NASP: variants seen among roughly 807,000 people sequenced by gnomAD.
NASP encodes nuclear autoantigenic sperm protein, also known as NASP histone chaperone.
NASP carries 24 observed loss-of-function variants against 89.5 expected under a neutral mutation model. The ratio of observed to expected loss-of-function variants is 0.27; its 90% CI spans 0.19 to 0.38. The LOEUF (loss-of-function observed/expected upper bound fraction) is 0.38, where lower values mean the gene tolerates loss of function less well. Among genes scored for constraint, NASP ranks in the 10% least tolerant of loss-of-function variants. The pLI is 1.00. For synonymous variants in NASP, 306 were observed against 324.7 expected (o/e 0.94, Z 0.62); for missense variants, 848 against 921.4 (o/e 0.92, Z 1.03).
At chr1:45,616,990 G>A (rs767664662) in intron 13 of NASP, among the ~76,000 whole-genome samples, 33 of 152,082 alleles carry the variant, frequency 2.2e-4, no homozygotes, top group Non-Finnish European at 3.2e-4. Flanking sequence ...GATTACAGGC[G>A]CCCGCCACCA....
chr1:45,586,284 G>GTGTGTGTGTGTGTGTGTGGTGT (rs1202771599), intron 1 of NASP, among the ~76,000 whole-genome samples: 2 of 100,534 alleles, frequency 2.0e-5, no homozygotes, highest in South Asian at 6.5e-4. Context: ...GTGTGTGTGT[G>GTGTGTGTGTGTGTGTGTGGTGT]GTGTGTGTGT....
intron 2 of NASP, among the ~76,000 whole-genome samples, chr1:45,601,678 G>A (rs566685775): frequency 1.5e-4 from 23 of 149,396 alleles, no homozygotes; most frequent in Admixed American, 1.4e-3. Context: ...TTTATTTGTG[G>A]ATCAATTAGG....
In NASP at chr1:45,618,503, G is replaced by A. The variant is rs1644148318; in HGVS notation, c.*362G>A. ...CAAACTTTCAGTGGTGCTGTCCCTG[G>A]ATGGGGGCTACAAAAACAAGAATTG... is the stretch of plus-strand genomic sequence containing the variant. On this transcript the variant is annotated 3_prime_UTR_variant, in exon 15 of 15. Coordinates refer to ENST00000350030, the MANE Select transcript of NASP (RefSeq NM_002482.4). 5.6e-6 allele frequency: 1 copy of A among 178,642 alleles called. No homozygotes were observed. The highest frequency in any genetic ancestry group is 2.4e-5 in the African/African-American group (1 of 42,270). The allele number at this position is 178,642 out of a possible 1,614,324, so 11.1% of individuals were successfully genotyped here.
At chr1:45,586,275 T>TGTGTG (rs1644540042) in intron 1 of NASP, among the ~76,000 whole-genome samples, 2 of 50,206 alleles carry the variant, frequency 4.0e-5, no homozygotes, top group Middle Eastern at 9.3e-3. Context: ...TGTGTGTGTG[T>TGTGTG]GTGTGTGTGG....
intron 6 of NASP, chr1:45,612,744 A>G (rs1644037564): frequency 1.3e-5 from 2 of 154,076 alleles, no homozygotes; most frequent in African/African-American, 4.8e-5. Flanking sequence ...GACTGGAATA[A>G]TTTAACTTTC....
chr1:45,584,760 C>T (rs1644504808), intron 1 of NASP, among the ~76,000 whole-genome samples: 1 of 152,198 alleles, frequency 6.6e-6, no homozygotes, highest in Non-Finnish European at 1.5e-5. Context: ...GGGGGCGGGG[C>T]CTTGAGGAGG....
chr1:45,594,711 G>A (rs1479735391), intron 2 of NASP: 3 of 455,324 alleles, frequency 6.6e-6, no homozygotes, highest in East Asian at 7.0e-5. Context: ...GTTTCGTCAC[G>A]TTGCCCAGGC....
chr1:45,606,190 A>G (rs1280819112), intron 4 of NASP, among the ~76,000 whole-genome samples: 1 of 152,244 alleles, frequency 6.6e-6, no homozygotes, highest in Non-Finnish European at 1.5e-5. Context: ...AAGTTTGGGA[A>G]ATAGTATGGT....
intron 9 of NASP, 72 bp downstream of exon 9, chr1:45,614,438 G>C: frequency 8.3e-7 from 1 of 1,211,486 alleles, no homozygotes; most frequent in East Asian, 2.3e-5. Context: ...AGATTCTCTG[G>C]AACCGAACTT....
At position 45,602,134 on chromosome 1, in the gene NASP, C is replaced by A. The variant is rs1230379730; in HGVS notation, c.108-121C>A. 4 of 1,190,742 alleles carry A rather than the reference C, an allele frequency of 3.4e-6. No homozygotes were observed. In the African/African-American group the frequency reaches 4.6e-5, roughly 14 times the overall value. The allele number at this position is 1,190,742 out of a possible 1,614,324, so 73.8% of individuals were successfully genotyped here. ...TGTGATGGTAAATAAGTGTGTTAGC[C>A]AGGCCTTGCCAGAGTAGTCCAAAAG... On this transcript the variant is annotated intron_variant, in intron 2 of 14. Coordinates refer to ENST00000350030, the MANE Select transcript of NASP (RefSeq NM_002482.4).
intron 6 of NASP, 55 bp downstream of exon 6, chr1:45,608,392 A>T (rs745465042): frequency 6.6e-7 from 1 of 1,523,536 alleles, no homozygotes; most frequent in African/African-American, 1.4e-5. Context: ...GATTTGACTC[A>T]CTAATTATGG....
chr1:45,613,339 G>A, intron 7 of NASP, 91 bp downstream of exon 7: 1 of 1,415,228 alleles, frequency 7.1e-7, no homozygotes, highest in Non-Finnish European at 9.4e-7. Context: ...GGATTGCAGT[G>A]GGGTGATCAT....
chr1:45,591,136 C>A, intron 1 of NASP, 87 bp from the exon 2 acceptor site: 1 of 780,924 alleles, frequency 1.3e-6, no homozygotes, highest in South Asian at 1.9e-5. Flanking sequence ...TCTTTTATTC[C>A]TTTATATTTT....
intron 1 of NASP, among the ~76,000 whole-genome samples, chr1:45,586,138 A>T (rs1367927196): frequency 6.6e-6 from 1 of 151,368 alleles, no homozygotes; most frequent in Non-Finnish European, 1.5e-5. Context: ...AAAACTGAGC[A>T]ATTATATGTG....
intron 3 of NASP, among the ~76,000 whole-genome samples, chr1:45,603,570 C>CT (rs1224897313): frequency 6.7e-6 from 1 of 148,398 alleles, no homozygotes; most frequent in Non-Finnish European, 1.5e-5. Context: ...AATTGGGGCT[C>CT]TGAGAGACTA....
intron 7 of NASP, 89 bp downstream of exon 7, chr1:45,613,337 G>A (rs1644048970): frequency 1.4e-6 from 2 of 1,429,232 alleles, no homozygotes; most frequent in Non-Finnish European, 1.9e-6. Flanking sequence ...CTGGATTGCA[G>A]TGGGGTGATC....
At chr1:45,588,877 C>T (rs943123911) in intron 1 of NASP, 1 of 237,418 alleles carries the variant, frequency 4.2e-6, no homozygotes, top group South Asian at 4.0e-5. Flanking sequence ...AGATCGAGAT[C>T]GCGCCACTGC....
chr1:45,614,938 G>A, intron 9 of NASP, 75 bp from the exon 10 acceptor site: 1 of 1,280,240 alleles, frequency 7.8e-7, no homozygotes, highest in Non-Finnish European at 1.1e-6. Flanking sequence ...CATTCCCATA[G>A]GATGGGTCTG....
intron 1 of NASP, among the ~76,000 whole-genome samples, chr1:45,589,101 A>G (rs1425218833): frequency 6.6e-6 from 1 of 152,178 alleles, no homozygotes; most frequent in Non-Finnish European, 1.5e-5. Context: ...ATGGAGTAGA[A>G]TCTGTCAATA....
Sources: gnomAD v4.1 joint callset for allele counts (sites outside exome capture counted in the v4.1 genomes callset) on GRCh38, gnomAD v4.1.1 for gene constraint, MANE v1.5 for transcripts, NCBI Gene and HGNC (gene_info 2026-07-23, HGNC 2026-07-21) for gene names.